Variants in STAG1 observed in about 807,000 individuals in gnomAD.
STAG1 encodes the protein cohesin subunit SA-1.
STAG1 carries 26 observed loss-of-function variants against 170.9 expected under a neutral mutation model. The ratio of observed to expected loss-of-function variants is 0.15; its 90% confidence interval spans 0.11 to 0.21. The LOEUF (loss-of-function observed/expected upper bound fraction) is 0.21, where lower values mean the gene tolerates loss of function less well. STAG1 is among the 10% of genes least tolerant of loss of function. STAG1 has a pLI of 1.00. For synonymous variants in STAG1, 514 were observed against 497.7 expected (o/e 1.03, Z -0.44); for missense variants, 964 against 1,509.5 (o/e 0.64, Z 5.99).
intron 6 of STAG1, among the ~76,000 whole-genome samples, chr3:136,539,666 T>A (rs1935798858): frequency 6.6e-6 from 1 of 152,216 alleles, no homozygotes; most frequent in South Asian, 2.1e-4. Context: ...AAGAGCGAAG[T>A]GTATGTATTG....
intron 1 of STAG1, among the ~76,000 whole-genome samples, chr3:136,689,917 C>T (rs1942664205): frequency 6.6e-6 from 1 of 151,750 alleles, no homozygotes; most frequent in African/African-American, 2.4e-5. Flanking sequence ...TGGCGCATGC[C>T]TATAATCCCA....
In STAG1 at chr3:136,607,846, C is replaced by T. The variant is rs541084781; in HGVS notation, c.133-3373G>A. On this transcript the variant is annotated intron_variant, in intron 3 of 33. Transcript: ENST00000383202. ...TTCTTTTTTAGCACTTGGCTACTTACTGGCACAAGATGCTCCAGGTTCACC... is the reference window on the plus strand; with the variant it reads ...TTCTTTTTTAGCACTTGGCTACTTATTGGCACAAGATGCTCCAGGTTCACC... Among the ~76,000 whole-genome samples, 20 of 152,348 alleles carry T rather than the reference C, an allele frequency of 1.3e-4. No individual in the cohort carries two copies. In the East Asian group the frequency reaches 3.5e-3, roughly 26 times the overall value.
At chr3:136,708,919 C>T (rs1391354093) in intron 1 of STAG1, among the ~76,000 whole-genome samples, 1 of 150,842 alleles carries the variant, frequency 6.6e-6, no homozygotes, top group Non-Finnish European at 1.5e-5. Flanking sequence ...ACCCTCCCAC[C>T]TCAGCCTCCC....
intron 1 of STAG1, among the ~76,000 whole-genome samples, chr3:136,744,721 G>A (rs1421539099): frequency 7.5e-6 from 1 of 133,570 alleles, no homozygotes; most frequent in Non-Finnish European, 1.5e-5. Context: ...TGTCACCTAC[G>A]CTGGAATGCA....
rs373577335 is a variant in STAG1, at chr3:136,477,284, C to T, written c.1026+5G>A. ...TCCATCAAAGCTTAGAACAGAGTAACTTACCCTGTCATGAAGAGTCCAGCC... is the reference window on the plus strand; with the variant it reads ...TCCATCAAAGCTTAGAACAGAGTAATTTACCCTGTCATGAAGAGTCCAGCC... On this transcript the variant is annotated splice_donor_5th_base_variant and intron_variant, in intron 10 of 33. Transcript: ENST00000383202. 3 of 1,609,636 alleles carry T rather than the reference C, an allele frequency of 1.9e-6. No individual in the cohort carries two copies. Among genetic ancestry groups the T allele is most frequent in the African/African-American group, 1.3e-5 (1 of 74,858 alleles).
In STAG1 at chr3:136,620,738, C is replaced by G. The variant is rs544135099; in HGVS notation, c.132+2408G>C. 3.3e-4 allele frequency among the ~76,000 whole-genome samples: 50 copies of G among 152,230 alleles called. 1 individual carries two copies. Among genetic ancestry groups the G allele is most frequent in the Non-Finnish European group, 5.4e-4 (37 of 68,006 alleles). On this transcript the variant is annotated intron_variant, in intron 3 of 33. Transcript: ENST00000383202. ...GAACTAATTTGTGTGAATGTATAGACTGAAATATAAATAAAACAAATTTCT... is the reference window on the plus strand; with the variant it reads ...GAACTAATTTGTGTGAATGTATAGAGTGAAATATAAATAAAACAAATTTCT...
intron 21 of STAG1, among the ~76,000 whole-genome samples, chr3:136,401,658 C>T (rs985581212): frequency 3.9e-5 from 6 of 152,022 alleles, no homozygotes; most frequent in Admixed American, 6.6e-5. Context: ...TGCACTGTCT[C>T]CCGGGCCTTG....
At chr3:136,430,701 C>T (rs918791131) in intron 16 of STAG1, among the ~76,000 whole-genome samples, 2 of 150,918 alleles carry the variant, frequency 1.3e-5, no homozygotes, top group Non-Finnish European at 2.9e-5. Flanking sequence ...GCATTCAAAG[C>T]TGTCCTGGGC....
At chr3:136,463,823 TCATATATA>T (rs1178773474) in intron 13 of STAG1, among the ~76,000 whole-genome samples, 118 of 138,174 alleles carry the variant, frequency 8.5e-4, no homozygotes, top group Middle Eastern at 3.8e-3. Flanking sequence ...ACACATATAT[TCATATATA>T]CATATATACA....
chr3:136,549,472 C>A (rs1287221196), intron 5 of STAG1, among the ~76,000 whole-genome samples: 2 of 151,862 alleles, frequency 1.3e-5, no homozygotes, highest in Non-Finnish European at 2.9e-5. Context: ...ACCATCCTGG[C>A]TGATTTTTTG....
At chr3:136,615,617 A>C (rs1222970910) in intron 3 of STAG1, among the ~76,000 whole-genome samples, 1 of 151,344 alleles carries the variant, frequency 6.6e-6, no homozygotes, top group African/African-American at 2.4e-5. Context: ...TCTCTACTAA[A>C]AATACAAAAA....
intron 1 of STAG1, among the ~76,000 whole-genome samples, chr3:136,749,744 CAAA>C (rs895920877): frequency 5.7e-5 from 5 of 87,156 alleles, no homozygotes; most frequent in Non-Finnish European, 4.6e-5. Flanking sequence ...GACTCCATCT[CAAA>C]AAAAAAAAAA....
Position 136,473,583 on chromosome 3 carries a change from T to C in STAG1, c.1081A>G (p.Arg361Gly), listed in dbSNP as rs1276692797. The change falls in exon 11 of 34, where the codon AGA becomes GGA. Residue 361 changes from arginine (R) to glycine (G), a missense_variant. Around this residue, in one of 11 missense-constraint regions of STAG1, gnomAD observed 162 missense variants for 211.2 expected, o/e 0.77. Coordinates refer to ENST00000383202, the MANE Select transcript of STAG1 (RefSeq NM_005862.3). ...AGTTCCAATTTGGGGAATAATTCTC[T>C]ATTGGTATATAGACTCTGCAGAGCT... ...LKALQSLYTN[R>G]ELFPKLELFT... is the part of the protein sequence containing the mutation. 4 of 1,612,728 alleles carry C rather than the reference T, an allele frequency of 2.5e-6. No homozygotes were observed. Among genetic ancestry groups the C allele is most frequent in the Non-Finnish European group, 3.4e-6 (4 of 1,179,386 alleles).
intron 1 of STAG1, among the ~76,000 whole-genome samples, chr3:136,635,850 A>G (rs1299978829): frequency 6.6e-6 from 1 of 152,244 alleles, no homozygotes; most frequent in Non-Finnish European, 1.5e-5. Context: ...TTTTAAATGA[A>G]AAACACAGTA....
Position 136,470,697 on chromosome 3 carries a change from C to T in STAG1, c.1205+1716G>A, listed in dbSNP as rs531214603. On this transcript the variant is annotated intron_variant, in intron 12 of 33. Transcript: ENST00000383202. Reference sequence around the variant, plus strand: ...GACACATGCATACATATGTTTATTGCGGCACTATTCACAATAGCAAAGACT... The same window carrying T: ...GACACATGCATACATATGTTTATTGTGGCACTATTCACAATAGCAAAGACT... Among the ~76,000 whole-genome samples the T allele has an allele frequency of 2.5e-3, 385 of 152,134 alleles. 2 individuals are homozygous for T. The highest frequency in any genetic ancestry group is 8.4e-3 in the African/African-American group (350 of 41,496).
chr3:136,555,438 C>T (rs994501660), intron 5 of STAG1, among the ~76,000 whole-genome samples: 3 of 152,020 alleles, frequency 2.0e-5, no homozygotes, highest in African/African-American at 7.2e-5. Flanking sequence ...AATCCCAGCA[C>T]TTTGGGAGGC....
intron 3 of STAG1, among the ~76,000 whole-genome samples, chr3:136,613,068 C>T (rs1463611279): frequency 1.3e-5 from 2 of 151,742 alleles, no homozygotes; most frequent in Admixed American, 6.6e-5. Context: ...TTTGGGAGGC[C>T]GAGGTGGGCG....
At chr3:136,655,825 G>C (rs577188356) in intron 1 of STAG1, among the ~76,000 whole-genome samples, 231 of 151,996 alleles carry the variant, frequency 1.5e-3, no homozygotes, top group Non-Finnish European at 2.3e-3. Context: ...ACTGTTGGTG[G>C]GGATGTAAAA....
intron 25 of STAG1, among the ~76,000 whole-genome samples, chr3:136,364,040 G>A (rs911993617): frequency 3.0e-4 from 46 of 151,954 alleles, no homozygotes; most frequent in African/African-American, 8.0e-4. Flanking sequence ...GATTACAGGC[G>A]TGAGCCACTG....
Sources: allele counts gnomAD v4.1 joint callset (sites outside exome capture counted in the v4.1 genomes callset), GRCh38; gene constraint gnomAD v4.1.1; regional missense constraint gnomAD v4.1.1; transcripts MANE v1.5; gene names NCBI Gene and HGNC (gene_info 2026-07-23, HGNC 2026-07-21).